PSD3: variants seen among roughly 807,000 people sequenced by gnomAD.
PSD3 encodes pleckstrin and Sec7 domain containing 3, also known as PH and SEC7 domain-containing protein 3.
In PSD3, 49 loss-of-function variants were observed where a neutral mutation model predicts 105.5. That is an observed-to-expected ratio of 0.46 (90% CI 0.37 to 0.59). The LOEUF is 0.59. Among genes scored for constraint, PSD3 ranks in the 20% least tolerant of loss-of-function variants. The pLI is 0.00. For synonymous variants in PSD3, 557 were observed against 457.8 expected (o/e 1.22, Z -2.77); for missense variants, 1,561 against 1,263.8 (o/e 1.24, Z -3.57).
intron 1 of PSD3, chr8:18,989,391 T>C (rs1442857542): frequency 6.6e-6 from 1 of 152,190 alleles, no homozygotes; most frequent in Non-Finnish European, 1.5e-5. Context: ...CAGAAGGAAC[T>C]GAGAAGCTCA....
chr8:19,013,600 G>C lies in PSD3; in HGVS notation c.-17C>G, dbSNP rs143508562. On this transcript the variant is annotated 5_prime_UTR_variant, in exon 1 of 16. Coordinates refer to ENST00000327040, the MANE Select transcript of PSD3 (RefSeq NM_015310.4). ...TCCTTCCATCTTCCATCGCCAGCCC[G>C]GCCGCGCGCCGAAACCGCCGCCGGG... 1.8e-5 allele frequency: 27 copies of C among 1,461,734 alleles called. 1 individual carries two copies. The East Asian group carries it at 6.2e-4, about 34-fold the overall frequency. 90.5% of individuals were successfully genotyped at this position (1,461,734 alleles called of 1,614,324 possible).
intron 11 of PSD3, among the ~76,000 whole-genome samples, chr8:18,630,561 A>G (rs1563399039): frequency 6.6e-6 from 1 of 152,012 alleles, no homozygotes; most frequent in African/African-American, 2.4e-5. Context: ...CACATGGGTT[A>G]ACTGTGCTAT....
intron 12 of PSD3, among the ~76,000 whole-genome samples, chr8:18,577,799 A>C (rs1802553461): frequency 6.6e-6 from 1 of 152,070 alleles, no homozygotes; most frequent in Non-Finnish European, 1.5e-5. Context: ...CTTATTTTGA[A>C]TTTAGATTAT....
chr8:19,026,893 A>G (rs1827574795), intron 1 of PSD3, among the ~76,000 whole-genome samples: 1 of 151,520 alleles, frequency 6.6e-6, no homozygotes, highest in Non-Finnish European at 1.5e-5. Flanking sequence ...AAATATATAT[A>G]TATACAAAGA....
intron 11 of PSD3, among the ~76,000 whole-genome samples, chr8:18,623,753 A>G (rs1422943160): frequency 6.6e-6 from 1 of 152,168 alleles, no homozygotes; most frequent in South Asian, 2.1e-4. Flanking sequence ...TATATTATCA[A>G]TATAGTGAAA....
intron 1 of PSD3, among the ~76,000 whole-genome samples, chr8:18,968,872 AT>A (rs144530476): frequency 0.28 from 35,460 of 125,858 alleles, 5,640 homozygotes; most frequent in Middle Eastern, 0.48. Flanking sequence ...CAAAAAAAAA[AT>A]GTCTCCAAAA....
intron 4 of PSD3, among the ~76,000 whole-genome samples, chr8:18,836,510 G>A (rs921228747): frequency 3.9e-5 from 6 of 152,144 alleles, no homozygotes; most frequent in Non-Finnish European, 7.3e-5. Context: ...TTTTTTAATA[G>A]TGGACTAATA....
intron 11 of PSD3, among the ~76,000 whole-genome samples, chr8:18,624,755 T>C (rs1806359874): frequency 6.6e-6 from 1 of 151,994 alleles, no homozygotes; most frequent in South Asian, 2.1e-4. Flanking sequence ...TGGATCCTAA[T>C]CCTTTATTGG....
chr8:18,662,543 A>C (rs1002059734), intron 9 of PSD3, among the ~76,000 whole-genome samples: 2 of 152,246 alleles, frequency 1.3e-5, no homozygotes, highest in African/African-American at 4.8e-5. Context: ...TGAGCAAAGA[A>C]TTTGAAACGG....
chr8:18,814,462 G>A (rs990946091), intron 4 of PSD3, among the ~76,000 whole-genome samples: 1 of 152,118 alleles, frequency 6.6e-6, no homozygotes, highest in South Asian at 2.1e-4. Flanking sequence ...GTTTCTAGGG[G>A]CATGATGCAG....
intron 4 of PSD3, among the ~76,000 whole-genome samples, chr8:18,844,452 G>A (rs573464522): frequency 6.6e-6 from 1 of 152,120 alleles, no homozygotes; most frequent in South Asian, 2.1e-4. Flanking sequence ...GGTCTTACAT[G>A]GAAACAACTT....
At chr8:18,944,272 T>C (rs918072605) in intron 1 of PSD3, among the ~76,000 whole-genome samples, 12 of 152,164 alleles carry the variant, frequency 7.9e-5, no homozygotes, top group Non-Finnish European at 1.0e-4. Flanking sequence ...TTAAGTTGAC[T>C]TAAAAAGTTT....
chr8:18,600,346 T>C lies in PSD3; in HGVS notation c.2481+18A>G, dbSNP rs776046544. ...ATTTCATCGAGTTTTGTGGATTTTT[T>C]ATCTGCTTTACTTTTACCTTTTGCA... On this transcript the variant is annotated intron_variant, in intron 12 of 15. Coordinates refer to ENST00000327040, the MANE Select transcript of PSD3 (RefSeq NM_015310.4). 6.3e-7 allele frequency: 1 copy of C among 1,599,770 alleles called. No homozygotes were observed. Among genetic ancestry groups the C allele is most frequent in the South Asian group, 1.1e-5 (1 of 90,270 alleles).
chr8:18,940,348 A>G (rs1455377516), intron 1 of PSD3: 1 of 152,238 alleles, frequency 6.6e-6, no homozygotes, highest in Non-Finnish European at 1.5e-5. Context: ...GCATTCCTAA[A>G]AGTTCCCTGG....
intron 8 of PSD3, among the ~76,000 whole-genome samples, chr8:18,793,089 A>G (rs1319459077): frequency 6.6e-6 from 1 of 152,028 alleles, no homozygotes; most frequent in African/African-American, 2.4e-5. Flanking sequence ...AAAACCAAAC[A>G]CCGCATGTTC....
chr8:18,907,809 C>T (rs1166285583), intron 2 of PSD3, among the ~76,000 whole-genome samples: 1 of 152,180 alleles, frequency 6.6e-6, no homozygotes, highest in Non-Finnish European at 1.5e-5. Flanking sequence ...AAATAACAAA[C>T]AGTAACATTA....
chr8:18,679,903 G>A (rs1800285415), intron 9 of PSD3, among the ~76,000 whole-genome samples: 1 of 152,138 alleles, frequency 6.6e-6, no homozygotes, highest in Non-Finnish European at 1.5e-5. Context: ...GAGAATTCTT[G>A]ATCTAATCTC....
Position 18,929,157 on chromosome 8 carries a change from T to G in PSD3, c.130+6877A>C, listed in dbSNP as rs559273331. On this transcript the variant is annotated intron_variant, in intron 2 of 15. Coordinates refer to ENST00000327040, the MANE Select transcript of PSD3 (RefSeq NM_015310.4). ...TAAAGTATTCAGCCTTCTGGGTCAC[T>G]ATGGCAGACAAGGATACAGATTTGT... 5.3e-5 allele frequency among the ~76,000 whole-genome samples: 8 copies of G among 152,272 alleles called. No individual in the cohort carries two copies. In the East Asian group the frequency reaches 1.5e-3, roughly 29 times the overall value.
intron 14 of PSD3, among the ~76,000 whole-genome samples, chr8:18,571,066 G>A (rs1419594718): frequency 6.6e-6 from 1 of 151,958 alleles, no homozygotes; most frequent in African/African-American, 2.4e-5. Flanking sequence ...TTACCATGCT[G>A]GCCAGGCTGG....
Sources: allele counts gnomAD v4.1 joint callset (sites outside exome capture counted in the v4.1 genomes callset), GRCh38; gene constraint gnomAD v4.1.1; transcripts MANE v1.5; gene names NCBI Gene and HGNC (gene_info 2026-07-23, HGNC 2026-07-21).